Variants in MINDY3 observed in about 807,000 individuals in gnomAD.
MINDY3 encodes the protein ubiquitin carboxyl-terminal hydrolase MINDY-3.
A neutral mutation model predicts 69.2 loss-of-function variants in MINDY3; 38 were observed. The ratio of observed to expected loss-of-function variants is 0.55; its 90% CI spans 0.42 to 0.72. The LOEUF is 0.72. Ranked by LOEUF, MINDY3 falls within the 30% of genes least tolerant of loss-of-function variation. The pLI is 0.00. For synonymous variants in MINDY3, 192 were observed against 180.1 expected, an observed-to-expected ratio of 1.07 and a Z score of -0.53; for missense variants, 522 against 519.0, an observed-to-expected ratio of 1.01 and a Z score of -0.06.
chr10:15,835,497 C>T (rs1255955418), intron 6 of MINDY3, among the ~76,000 whole-genome samples: 3 of 152,058 alleles, frequency 2.0e-5, no homozygotes, highest in Non-Finnish European at 4.4e-5. Context: ...CAATACAAAT[C>T]AGGCTATGAT....
rs538632913 is a variant in MINDY3, at chr10:15,847,735, A to C, written c.174+129T>G. On this transcript the variant is annotated intron_variant, in intron 2 of 14. Coordinates refer to ENST00000277632, the MANE Select transcript of MINDY3 (RefSeq NM_024948.4). ...ATTTTGGATATTTATTGTAATTTAC[A>C]TGAGCAAAAGTTAAGAGTTAATTGA... The C allele has an allele frequency of 9.0e-6, 5 of 557,440 alleles. No homozygotes were observed. The African/African-American group carries it at 9.3e-5, about 10-fold the overall frequency. The allele number at this position is 557,440 out of a possible 1,614,324, so 34.5% of individuals were successfully genotyped here.
chr10:15,786,392 C>T (rs541159333), intron 13 of MINDY3, among the ~76,000 whole-genome samples, 169 bp downstream of exon 13: 10 of 152,200 alleles, frequency 6.6e-5, no homozygotes, highest in African/African-American at 1.9e-4. Context: ...ACTGCGTTAC[C>T]GTATTCGAAC....
intron 1 of MINDY3, 40 bp downstream of exon 1, chr10:15,860,166 A>G (rs771519215): frequency 1.3e-6 from 2 of 1,485,052 alleles, no homozygotes; most frequent in Non-Finnish European, 1.9e-6. Context: ...GCAGGGCAAA[A>G]GAAGCAGCGG....
chr10:15,830,384 G>A (rs1397282612), intron 8 of MINDY3, among the ~76,000 whole-genome samples: 4 of 152,164 alleles, frequency 2.6e-5, no homozygotes, highest in African/African-American at 9.7e-5. Context: ...ATTCCCGTTG[G>A]AGGATGAGAA....
At chr10:15,831,443 T>C (rs184588675) in intron 8 of MINDY3, among the ~76,000 whole-genome samples, 5 of 152,280 alleles carry the variant, frequency 3.3e-5, no homozygotes, top group Admixed American at 3.3e-4. Flanking sequence ...GCAAGAAATA[T>C]ACCCAATTTT....
chr10:15,843,181 A>G, intron 3 of MINDY3, 31 bp downstream of exon 3: 1 of 1,575,312 alleles, frequency 6.3e-7, no homozygotes, highest in Non-Finnish European at 8.7e-7. Flanking sequence ...ACAGAGGAGG[A>G]AGCAAAAGTT....
chr10:15,845,799 G>A (rs1833793148), intron 2 of MINDY3, among the ~76,000 whole-genome samples: 1 of 144,790 alleles, frequency 6.9e-6, no homozygotes, highest in South Asian at 2.2e-4. Flanking sequence ...GAGCCACCGT[G>A]CCTGGCCTAT....
At chr10:15,800,162 T>C (rs957760540) in intron 10 of MINDY3, among the ~76,000 whole-genome samples, 42 of 152,086 alleles carry the variant, frequency 2.8e-4, no homozygotes, top group Admixed American at 2.2e-3. Flanking sequence ...TAGAGATATT[T>C]TCAAAAGTTA....
chr10:15,821,785 A>T, intron 8 of MINDY3, 59 bp from the exon 9 acceptor site: 4 of 1,398,890 alleles, frequency 2.9e-6, no homozygotes, highest in Non-Finnish European at 4.0e-6. Context: ...TAGTGTGTAT[A>T]AATTTGAAAC....
intron 1 of MINDY3, chr10:15,857,826 A>G: frequency 2.0e-6 from 1 of 495,778 alleles, no homozygotes; most frequent in Middle Eastern, 1.0e-3. Flanking sequence ...AAAGAATTTA[A>G]CTTGATCAAT....
At chr10:15,814,224 CTT>C (rs1218951987) in intron 10 of MINDY3, among the ~76,000 whole-genome samples, 2 of 151,984 alleles carry the variant, frequency 1.3e-5, no homozygotes, top group Admixed American at 6.6e-5. Context: ...TTTAGGTGAA[CTT>C]CCAGCTTTGT....
chr10:15,841,640 G>GAA, intron 3 of MINDY3, 41 bp from the exon 4 acceptor site: 73 of 1,107,422 alleles, frequency 6.6e-5, no homozygotes, highest in Middle Eastern at 2.2e-4. Flanking sequence ...GTTTCCTCTG[G>GAA]AAAAAAAAAA....
intron 1 of MINDY3, among the ~76,000 whole-genome samples, chr10:15,858,759 CT>C (rs1834871541): frequency 6.6e-6 from 1 of 152,128 alleles, no homozygotes; most frequent in Non-Finnish European, 1.5e-5. Flanking sequence ...TCTTATTCTA[CT>C]TTGTAAAATG....
chr10:15,847,809 G>C, intron 2 of MINDY3, 55 bp downstream of exon 2: 1 of 1,266,804 alleles, frequency 7.9e-7, no homozygotes, highest in Non-Finnish European at 1.2e-6. Flanking sequence ...AAAACGACAA[G>C]TATGAAACGT....
intron 11 of MINDY3, among the ~76,000 whole-genome samples, chr10:15,793,713 C>T (rs1335629762): frequency 6.6e-6 from 1 of 152,014 alleles, no homozygotes; most frequent in Non-Finnish European, 1.5e-5. Context: ...TGACTCAAAC[C>T]ATCAAAAGGT....
chr10:15,844,149 A>G (rs1395596395), intron 2 of MINDY3, among the ~76,000 whole-genome samples: 1 of 152,192 alleles, frequency 6.6e-6, no homozygotes, highest in African/African-American at 2.4e-5. Context: ...TATATGAGAA[A>G]ATCTATGTAA....
chr10:15,784,233 G>A (rs544294144), intron 13 of MINDY3, among the ~76,000 whole-genome samples: 1 of 152,144 alleles, frequency 6.6e-6, no homozygotes, highest in African/African-American at 2.4e-5. Context: ...CTTGGGAAAG[G>A]GGAGCTGCTT....
chr10:15,808,130 A>G (rs1460713610), intron 10 of MINDY3, among the ~76,000 whole-genome samples: 1 of 152,186 alleles, frequency 6.6e-6, no homozygotes, highest in Non-Finnish European at 1.5e-5. Flanking sequence ...AGACTTTCCA[A>G]GTAGTTCAGA....
rs376408012 is a variant in MINDY3, at chr10:15,849,741, T to C, written c.95-1798A>G. Among the ~76,000 whole-genome samples, 13 of 152,208 alleles carry C rather than the reference T, an allele frequency of 8.5e-5. No homozygotes were observed. In the East Asian group the frequency reaches 2.1e-3, roughly 25 times the overall value. Reference sequence around the variant, plus strand: ...GTGCCATTCCATCCCATCTCCTCTCTTTATCTTCAATCTCTTCCAGGAAGC... The same window carrying C: ...GTGCCATTCCATCCCATCTCCTCTCCTTATCTTCAATCTCTTCCAGGAAGC... On this transcript the variant is annotated intron_variant, in intron 1 of 14. Coordinates refer to ENST00000277632, the MANE Select transcript of MINDY3 (RefSeq NM_024948.4).
Sources: gnomAD v4.1 joint callset for allele counts (sites outside exome capture counted in the v4.1 genomes callset) on GRCh38, gnomAD v4.1.1 for gene constraint, MANE v1.5 for transcripts, NCBI Gene and HGNC (gene_info 2026-07-23, HGNC 2026-07-21) for gene names.